The following SLC41A2 variants were observed in gnomAD, a reference collection of about 807,000 sequenced individuals.
The protein encoded by SLC41A2 is solute carrier family 41 member 2.
In SLC41A2, 32 loss-of-function variants were observed where a neutral mutation model predicts 58.3. The ratio of observed to expected loss-of-function variants is 0.55; its 90% CI spans 0.41 to 0.74. The LOEUF (loss-of-function observed/expected upper bound fraction) is 0.74. Ranked by LOEUF, SLC41A2 falls within the 30% of genes least tolerant of loss-of-function variation. The probability of loss-of-function intolerance (pLI) is 0.00; values close to 1 mark genes in which losing one functional copy is unlikely to be tolerated. For synonymous variants in SLC41A2, 190 were observed against 235.0 expected (o/e 0.81, Z 1.75); for missense variants, 514 against 680.6 (o/e 0.76, Z 2.72).
intron 3 of SLC41A2, among the ~76,000 whole-genome samples, chr12:104,904,300 A>C (rs1248830924): frequency 2.0e-5 from 3 of 152,318 alleles, no homozygotes; most frequent in African/African-American, 2.4e-5. Context: ...TTCAATTTCC[A>C]ACAAATGAAA....
chr12:104,858,753 C>T lies in SLC41A2; in HGVS notation c.1255+2538G>A, dbSNP rs567996668. The stretch of plus-strand genomic sequence containing the variant: ...TCTCAAACTTATGAGCTCAAGCGAT[C>T]CACCTGCCTTGGCCTCCCAAAGTGC... On this transcript the variant is annotated intron_variant, in intron 8 of 10. Transcript: ENST00000258538. Among the ~76,000 whole-genome samples, 13 of 152,264 alleles carry T rather than the reference C, an allele frequency of 8.5e-5. No homozygotes were observed. The South Asian group carries it at 2.7e-3, about 32-fold the overall frequency.
chr12:104,902,244 T>C (rs2045600827), intron 3 of SLC41A2, among the ~76,000 whole-genome samples: 3 of 152,308 alleles, frequency 2.0e-5, no homozygotes, highest in African/African-American at 7.2e-5. Flanking sequence ...GAAATCTGCT[T>C]CAGTAGTCCC....
At chr12:104,955,672 A>T (rs932991041) in intron 1 of SLC41A2, among the ~76,000 whole-genome samples, 1 of 152,148 alleles carries the variant, frequency 6.6e-6, no homozygotes, top group African/African-American at 2.4e-5. Context: ...TCATCGAATA[A>T]TCTTTTTCTT....
In SLC41A2 at chr12:104,871,430, A is replaced by G. The variant is rs1480311383; in HGVS notation, c.1028-4851T>C. ...TTACTGTATGTTTAAAGATTACTAT[A>G]CGAATGTATAAATGCCTTTATATTG... On this transcript the variant is annotated intron_variant, in intron 6 of 10. Coordinates refer to ENST00000258538, the MANE Select transcript of SLC41A2 (RefSeq NM_001352171.3). Among the ~76,000 whole-genome samples, 5 of 152,202 alleles carry G rather than the reference A, an allele frequency of 3.3e-5. No individual in the cohort carries two copies. In the East Asian group the frequency reaches 9.6e-4, roughly 29 times the overall value.
chr12:104,894,943 C>T (rs975967357), intron 4 of SLC41A2, among the ~76,000 whole-genome samples: 1 of 152,062 alleles, frequency 6.6e-6, no homozygotes, highest in African/African-American at 2.4e-5. Context: ...AAAAATAGCA[C>T]TTAATGAAGT....
chr12:104,838,846 C>A (rs1034606283), intron 10 of SLC41A2, among the ~76,000 whole-genome samples: 1 of 152,096 alleles, frequency 6.6e-6, no homozygotes, highest in African/African-American at 2.4e-5. Flanking sequence ...AGGGACAATA[C>A]CTTTTATTTC....
At chr12:104,934,177 GA>G (rs2047175653) in intron 1 of SLC41A2, among the ~76,000 whole-genome samples, 1 of 149,678 alleles carries the variant, frequency 6.7e-6, no homozygotes, top group South Asian at 2.1e-4. Flanking sequence ...ATCCATCAAT[GA>G]ATGGAAAAAA....
At chr12:104,935,292 T>TA (rs1337421730) in intron 1 of SLC41A2, among the ~76,000 whole-genome samples, 2 of 152,080 alleles carry the variant, frequency 1.3e-5, no homozygotes, top group African/African-American at 4.8e-5. Flanking sequence ...TATTGCACTG[T>TA]ATGTTGACCA....
At chr12:104,830,677 C>T (rs188358580) in intron 10 of SLC41A2, among the ~76,000 whole-genome samples, 1 of 152,188 alleles carries the variant, frequency 6.6e-6, no homozygotes, top group Admixed American at 6.5e-5. Context: ...AAATAAAATA[C>T]ATATTGTCTA....
chr12:104,812,796 CTGATATAAT>C (rs2041231987), intron 10 of SLC41A2, among the ~76,000 whole-genome samples: 1 of 151,866 alleles, frequency 6.6e-6, no homozygotes, highest in Non-Finnish European at 1.5e-5. Context: ...GGCAAATTAT[CTGATATAAT>C]AAACTTTTGA....
At chr12:104,929,621 C>G (rs1346881016) in intron 1 of SLC41A2, among the ~76,000 whole-genome samples, 2 of 152,208 alleles carry the variant, frequency 1.3e-5, no homozygotes, top group Admixed American at 6.5e-5. Context: ...TCACCCACGA[C>G]CTGACCAGGA....
chr12:104,851,363 C>T (rs116410110), intron 8 of SLC41A2, among the ~76,000 whole-genome samples: 2,151 of 151,422 alleles, frequency 0.014, 14 homozygotes, highest in Middle Eastern at 0.02. Context: ...ATTTGGTGCC[C>T]ATTCTATTTA....
At chr12:104,918,628 G>GAA (rs34865307) in intron 2 of SLC41A2, among the ~76,000 whole-genome samples, 30,539 of 111,188 alleles carry the variant, frequency 0.27, 4,740 homozygotes, top group Middle Eastern at 0.44. Context: ...GGAGATACAT[G>GAA]AAAAAAAAAA....
At chr12:104,857,206 T>TA (rs969058137) in intron 8 of SLC41A2, among the ~76,000 whole-genome samples, 5 of 152,152 alleles carry the variant, frequency 3.3e-5, no homozygotes, top group East Asian at 1.9e-4. Flanking sequence ...TAGACTGTGA[T>TA]AAAAAAGATA....
chr12:104,819,306 T>C (rs1054661777), intron 10 of SLC41A2, among the ~76,000 whole-genome samples: 2 of 152,190 alleles, frequency 1.3e-5, no homozygotes, highest in African/African-American at 4.8e-5. Flanking sequence ...TGCAAATTAT[T>C]AAATATGTAG....
intron 1 of SLC41A2, among the ~76,000 whole-genome samples, chr12:104,940,655 C>A (rs2047474877): frequency 6.6e-6 from 1 of 150,656 alleles, no homozygotes; most frequent in South Asian, 2.1e-4. Context: ...TGGTAGTTCA[C>A]ACCTATAATC....
chr12:104,822,008 C>A (rs745678044), intron 10 of SLC41A2, among the ~76,000 whole-genome samples: 11 of 152,086 alleles, frequency 7.2e-5, no homozygotes, highest in Admixed American at 2.6e-4. Flanking sequence ...CTGACCATGT[C>A]ATTCTGAAGG....
At chr12:104,821,372 C>T (rs1160292170) in intron 10 of SLC41A2, among the ~76,000 whole-genome samples, 1 of 152,010 alleles carries the variant, frequency 6.6e-6, no homozygotes, top group Non-Finnish European at 1.5e-5. Flanking sequence ...ATAATACGTT[C>T]CAGGAGACCT....
Position 104,802,279 on chromosome 12 carries a change from C to G in SLC41A2, c.*2873G>C, listed in dbSNP as rs964489637. Among the ~76,000 whole-genome samples the G allele has an allele frequency of 4.6e-5, 7 of 152,094 alleles. No individual in the cohort carries two copies. Among genetic ancestry groups the G allele is most frequent in the African/African-American group, 1.4e-4 (6 of 41,418 alleles). ...AGTGAAAAGGAAGAAGTTTGGAAAG[C>G]AGAAGTTTTTATGTTGTATAAAAAG... is the stretch of plus-strand genomic sequence containing the variant. On this transcript the variant is annotated 3_prime_UTR_variant, in exon 11 of 11. Transcript: ENST00000258538.
Sources: allele counts gnomAD v4.1 joint callset (sites outside exome capture counted in the v4.1 genomes callset), GRCh38; gene constraint gnomAD v4.1.1; transcripts MANE v1.5; gene names NCBI Gene and HGNC (gene_info 2026-07-23, HGNC 2026-07-21).